KSR1: variants seen among roughly 807,000 people sequenced by gnomAD.
The protein encoded by KSR1 is kinase suppressor of ras.
Under a neutral mutation model 92.9 loss-of-function variants are expected in KSR1, and 35 were observed. The observed-to-expected ratio is 0.38, with a 90% CI of 0.29 to 0.50. The LOEUF is 0.50. KSR1 is among the 20% of genes least tolerant of loss of function. The pLI is 0.94. For synonymous variants in KSR1, 467 were observed against 472.6 expected, an observed-to-expected ratio of 0.99 and a Z score of 0.15; for missense variants, 972 against 1,158.5, an observed-to-expected ratio of 0.84 and a Z score of 2.34.
intron 9 of KSR1, 68 bp from the exon 10 acceptor site, chr17:27,597,200 G>A: frequency 6.7e-7 from 1 of 1,489,370 alleles, no homozygotes; most frequent in Non-Finnish European, 9.1e-7. Flanking sequence ...GGGAAGGGAG[G>A]GTGTGGCTGG....
intron 14 of KSR1, among the ~76,000 whole-genome samples, chr17:27,606,386 A>G (rs1394271830): frequency 6.6e-6 from 1 of 152,252 alleles, no homozygotes; most frequent in Non-Finnish European, 1.5e-5. Flanking sequence ...AACAGTTAAC[A>G]TTCCTTCTGT....
At chr17:27,463,394 G>A (rs1174239070) in intron 1 of KSR1, among the ~76,000 whole-genome samples, 1 of 151,442 alleles carries the variant, frequency 6.6e-6, no homozygotes, top group Non-Finnish European at 1.5e-5. Flanking sequence ...TGTAGTTCTA[G>A]CTACTCAGGA....
chr17:27,582,099 G>A (rs985801026), intron 3 of KSR1, among the ~76,000 whole-genome samples: 13 of 152,100 alleles, frequency 8.5e-5, no homozygotes, highest in Non-Finnish European at 1.6e-4. Flanking sequence ...CCCCACTTTT[G>A]GGGTGGGTTT....
intron 9 of KSR1, among the ~76,000 whole-genome samples, chr17:27,595,360 G>T (rs2073304350): frequency 6.6e-6 from 1 of 152,262 alleles, no homozygotes; most frequent in Non-Finnish European, 1.5e-5. Flanking sequence ...GAACAAACAT[G>T]TATTAGTCAC....
intron 1 of KSR1, among the ~76,000 whole-genome samples, chr17:27,544,958 T>C (rs1476994494): frequency 6.6e-6 from 1 of 152,198 alleles, no homozygotes. Flanking sequence ...CCAGAGAAGT[T>C]TTGCTCCATC....
chr17:27,566,489 G>A (rs575755012), intron 2 of KSR1: 9 of 399,034 alleles, frequency 2.3e-5, no homozygotes, highest in Non-Finnish European at 3.5e-5. Flanking sequence ...TGACAGCCAA[G>A]GTGTCCAGGG....
chr17:27,511,321 C>T (rs960587441), intron 1 of KSR1, among the ~76,000 whole-genome samples: 17 of 152,206 alleles, frequency 1.1e-4, no homozygotes, highest in Non-Finnish European at 2.2e-4. Context: ...AGTCTGAGTG[C>T]TCTGGAGGTG....
intron 2 of KSR1, among the ~76,000 whole-genome samples, chr17:27,555,079 C>A (rs1049356433): frequency 6.6e-6 from 1 of 152,172 alleles, no homozygotes; most frequent in African/African-American, 2.4e-5. Context: ...TGGGATCAAT[C>A]CAGGGCACCG....
At chr17:27,572,764 G>A (rs538117863) in intron 2 of KSR1, among the ~76,000 whole-genome samples, 3 of 152,222 alleles carry the variant, frequency 2.0e-5, no homozygotes, top group Non-Finnish European at 4.4e-5. Flanking sequence ...AGACTTGGCT[G>A]TGCCTGTCAC....
intron 20 of KSR1, 90 bp from the exon 21 acceptor site, chr17:27,623,224 C>T: frequency 1.4e-6 from 1 of 708,244 alleles, no homozygotes; most frequent in Non-Finnish European, 2.6e-6. Context: ...GAGGCCAGGT[C>T]CTCTGCTGAA....
At chr17:27,536,366 G>GT (rs1235968666) in intron 1 of KSR1, among the ~76,000 whole-genome samples, 3 of 152,312 alleles carry the variant, frequency 2.0e-5, no homozygotes, top group African/African-American at 7.2e-5. Flanking sequence ...TGTCTTTATA[G>GT]TAAAAACACT....
At chr17:27,509,647 G>A (rs941199052) in intron 1 of KSR1, among the ~76,000 whole-genome samples, 1 of 135,984 alleles carries the variant, frequency 7.4e-6, no homozygotes, top group Non-Finnish European at 1.6e-5. Flanking sequence ...CACAGGGAGA[G>A]TTTGTCTCTA....
At chr17:27,499,165 CA>C (rs1395525362) in intron 1 of KSR1, among the ~76,000 whole-genome samples, 1 of 152,170 alleles carries the variant, frequency 6.6e-6, no homozygotes, top group African/African-American at 2.4e-5. Context: ...AGAAGCCAAG[CA>C]ATACACCATT....
chr17:27,601,301 C>T (rs981695402), intron 10 of KSR1, 59 bp from the exon 11 acceptor site: 33 of 1,471,268 alleles, frequency 2.2e-5, no homozygotes, highest in Non-Finnish European at 3.0e-5. Flanking sequence ...TGCAATTCCG[C>T]TCCTCCCTCC....
intron 1 of KSR1, among the ~76,000 whole-genome samples, chr17:27,463,863 G>T (rs1459060321): frequency 6.6e-6 from 1 of 152,162 alleles, no homozygotes; most frequent in African/African-American, 2.4e-5. Context: ...CCTGGCTTTG[G>T]GGATGATTTA....
intron 2 of KSR1, among the ~76,000 whole-genome samples, chr17:27,568,245 T>A (rs965762893): frequency 3.9e-5 from 6 of 152,214 alleles, no homozygotes; most frequent in Admixed American, 1.3e-4. Flanking sequence ...CTGGTTCTTC[T>A]GTCTCCAGCT....
intron 2 of KSR1, among the ~76,000 whole-genome samples, chr17:27,561,106 C>G (rs1321534854): frequency 6.6e-6 from 1 of 152,042 alleles, no homozygotes; most frequent in Non-Finnish European, 1.5e-5. Flanking sequence ...AGATGTCATC[C>G]TGTTTCATCC....
chr17:27,461,481 C>T (rs1384401970), intron 1 of KSR1, among the ~76,000 whole-genome samples: 1 of 152,244 alleles, frequency 6.6e-6, no homozygotes, highest in African/African-American at 2.4e-5. Context: ...CAGCCACTGT[C>T]TCAAAGTGTG....
chr17:27,563,152 C>G (rs1043340591), intron 2 of KSR1, among the ~76,000 whole-genome samples: 31 of 152,212 alleles, frequency 2.0e-4, no homozygotes, highest in African/African-American at 7.0e-4. Flanking sequence ...CCCATTCGCT[C>G]CCTATATCCA....
Sources: allele counts gnomAD v4.1 joint callset (sites outside exome capture counted in the v4.1 genomes callset), GRCh38; gene constraint gnomAD v4.1.1; transcripts MANE v1.5; gene names NCBI Gene and HGNC (gene_info 2026-07-23, HGNC 2026-07-21).